Variants in FLI1 observed in about 807,000 individuals in gnomAD.
FLI1 encodes Friend leukemia integration 1 transcription factor.
In FLI1, 13 loss-of-function variants were observed where a neutral mutation model predicts 53.1. The observed-to-expected ratio is 0.24, with a 90% CI of 0.16 to 0.39. The LOEUF (loss-of-function observed/expected upper bound fraction) is 0.39, where lower values mean the gene tolerates loss of function less well. Ranked by LOEUF, FLI1 falls within the 10% of genes least tolerant of loss-of-function variation. The pLI is 1.00. For missense variants in FLI1, 424 were observed against 600.5 expected (o/e 0.71, Z 3.07); for synonymous variants, 244 against 236.7 (o/e 1.03, Z -0.28).
At chr11:128,766,014 A>T (rs1471653639) in intron 2 of FLI1, among the ~76,000 whole-genome samples, 1 of 152,166 alleles carries the variant, frequency 6.6e-6, no homozygotes, top group East Asian at 1.9e-4. Flanking sequence ...ATATGTGTGC[A>T]CGTGTTCTCT....
intron 1 of FLI1, among the ~76,000 whole-genome samples, chr11:128,714,700 C>G (rs1349223945): frequency 7.4e-6 from 1 of 135,238 alleles, no homozygotes. Context: ...GTGCTAAACA[C>G]TTGAAGGACC....
chr11:128,803,400 C>G (rs1270761748), intron 5 of FLI1, among the ~76,000 whole-genome samples: 2 of 152,188 alleles, frequency 1.3e-5, no homozygotes, highest in African/African-American at 4.8e-5. Flanking sequence ...CCACATTGCT[C>G]TACTTCAGTG....
upstream of FLI1, among the ~76,000 whole-genome samples, chr11:128,685,180 C>T (rs1002131968): frequency 1.3e-5 from 2 of 152,234 alleles, no homozygotes; most frequent in Admixed American, 1.3e-4. Context: ...CCCCAGGATG[C>T]GCCTGAGCTG....
At chr11:128,741,875 G>A (rs958840770) in intron 1 of FLI1, among the ~76,000 whole-genome samples, 28 of 152,124 alleles carry the variant, frequency 1.8e-4, no homozygotes, top group Non-Finnish European at 3.7e-4. Context: ...ATGCTGAGTG[G>A]GGGAGGCTGG....
At chr11:128,714,205 G>GA (rs11301098) in intron 1 of FLI1, among the ~76,000 whole-genome samples, 13,412 of 97,320 alleles carry the variant, frequency 0.14, 887 homozygotes, top group Middle Eastern at 0.22. Flanking sequence ...TCACTGGCCA[G>GA]AAAAAAAAAA....
At chr11:128,784,601 C>A (rs997102364) in intron 5 of FLI1, among the ~76,000 whole-genome samples, 3 of 152,196 alleles carry the variant, frequency 2.0e-5, no homozygotes, top group African/African-American at 7.2e-5. Flanking sequence ...CTCCTCTATG[C>A]CTTCCCCTTG....
intron 1 of FLI1, among the ~76,000 whole-genome samples, chr11:128,736,824 T>C (rs913085276): frequency 6.6e-6 from 1 of 152,154 alleles, no homozygotes; most frequent in Non-Finnish European, 1.5e-5. Context: ...AAAATGCACT[T>C]TTGTGGGTAT....
intron 1 of FLI1, among the ~76,000 whole-genome samples, chr11:128,745,841 GC>G (rs974147096): frequency 1.3e-5 from 2 of 152,124 alleles, no homozygotes; most frequent in Non-Finnish European, 2.9e-5. Flanking sequence ...AGGGAGTGAA[GC>G]CCCCCCATAT....
intron 1 of FLI1, among the ~76,000 whole-genome samples, chr11:128,723,763 G>C (rs995698302): frequency 6.6e-6 from 1 of 152,024 alleles, no homozygotes; most frequent in Non-Finnish European, 1.5e-5. Flanking sequence ...ATGAATTTAA[G>C]ATCCTCTGAA....
intron 1 of FLI1, among the ~76,000 whole-genome samples, chr11:128,747,176 C>G (rs1312724041): frequency 6.6e-6 from 1 of 152,222 alleles, no homozygotes; most frequent in African/African-American, 2.4e-5. Flanking sequence ...TGTCTTGAAG[C>G]AGGGTTCTGG....
chr11:128,732,768 T>C (rs1207522221), intron 1 of FLI1, among the ~76,000 whole-genome samples: 1 of 152,072 alleles, frequency 6.6e-6, no homozygotes, highest in Non-Finnish European at 1.5e-5. Context: ...AAAAACCAAC[T>C]AGTTACCAAA....
chr11:128,790,871 G>A (rs529813219), intron 5 of FLI1, among the ~76,000 whole-genome samples: 35 of 152,186 alleles, frequency 2.3e-4, no homozygotes, highest in Non-Finnish European at 1.5e-5. Context: ...TTAATGAAAC[G>A]CATCACCATA....
chr11:128,688,576 AG>A (rs1937625783), intron 1 of FLI1, among the ~76,000 whole-genome samples: 1 of 151,952 alleles, frequency 6.6e-6, no homozygotes, highest in Admixed American at 6.5e-5. Flanking sequence ...CCAGGCGCCC[AG>A]GCCCCATGAG....
intron 5 of FLI1, among the ~76,000 whole-genome samples, chr11:128,794,701 G>A (rs1003222977): frequency 6.6e-6 from 1 of 152,208 alleles, no homozygotes; most frequent in Non-Finnish European, 1.5e-5. Flanking sequence ...AGTCCTTGAG[G>A]AGGAAATATG....
chr11:128,786,857 G>C (rs1267704762), intron 5 of FLI1, among the ~76,000 whole-genome samples: 1 of 152,158 alleles, frequency 6.6e-6, no homozygotes, highest in South Asian at 2.1e-4. Context: ...TGAGTTCCTT[G>C]TTTATTAACT....
intron 1 of FLI1, among the ~76,000 whole-genome samples, chr11:128,736,851 G>A (rs940144822): frequency 2.0e-5 from 3 of 152,156 alleles, no homozygotes; most frequent in Admixed American, 6.5e-5. Flanking sequence ...GTATGCAGGT[G>A]TGTGGGGAGA....
At chr11:128,738,275 A>G (rs143512348) in intron 1 of FLI1, among the ~76,000 whole-genome samples, 414 of 152,182 alleles carry the variant, frequency 2.7e-3, no homozygotes, top group African/African-American at 9.6e-3. Context: ...TGCTGTTTCT[A>G]CTCTACACTC....
chr11:128,780,898 G>A (rs525019), intron 4 of FLI1, among the ~76,000 whole-genome samples: 6,167 of 152,270 alleles, frequency 0.041, 168 homozygotes, highest in East Asian at 0.094. Flanking sequence ...CCCAGCCCTC[G>A]TTTCAAGGGC....
chr11:128,716,200 GA>G (rs1167173500), intron 1 of FLI1, among the ~76,000 whole-genome samples: 2 of 152,196 alleles, frequency 1.3e-5, no homozygotes, highest in African/African-American at 2.4e-5. Context: ...GAGATTTAGA[GA>G]AGTTGATCTG....
Sources: gnomAD v4.1 joint callset for allele counts (sites outside exome capture counted in the v4.1 genomes callset) on GRCh38, gnomAD v4.1.1 for gene constraint, MANE v1.5 for transcripts, NCBI Gene and HGNC (gene_info 2026-07-23, HGNC 2026-07-21) for gene names.